The following SLC8A1 variants were observed in gnomAD, a reference collection of about 807,000 sequenced individuals.
The protein encoded by SLC8A1 is sodium/calcium exchanger 1.
In SLC8A1, 18 loss-of-function variants were observed where a neutral mutation model predicts 68.3. The ratio of observed to expected loss-of-function variants is 0.26; its 90% CI spans 0.18 to 0.39. The LOEUF is 0.39. Among genes scored for constraint, SLC8A1 ranks in the 10% least tolerant of loss-of-function variants. The probability of loss-of-function intolerance (pLI) is 1.00; values close to 1 mark genes in which losing one functional copy is unlikely to be tolerated. For synonymous variants in SLC8A1, 475 were observed against 415.5 expected, an observed-to-expected ratio of 1.14 and a Z score of -1.74; for missense variants, 985 against 1,156.7, an observed-to-expected ratio of 0.85 and a Z score of 2.15.
chr2:40,441,613 C>T (rs564948741), intron 1 of SLC8A1, among the ~76,000 whole-genome samples: 1 of 152,168 alleles, frequency 6.6e-6, no homozygotes, highest in South Asian at 2.1e-4. Context: ...AATAACACTA[C>T]ACATCTACAA....
At chr2:40,292,051 GTCTT>G (rs2069430302) in intron 2 of SLC8A1, among the ~76,000 whole-genome samples, 1 of 151,714 alleles carries the variant, frequency 6.6e-6, no homozygotes, top group South Asian at 2.1e-4. Flanking sequence ...TTTATTTCTA[GTCTT>G]TACAAGTACA....
intron 2 of SLC8A1, among the ~76,000 whole-genome samples, chr2:40,362,273 GGAAAAA>G (rs1674851671): frequency 6.6e-6 from 1 of 150,662 alleles, no homozygotes; most frequent in African/African-American, 2.4e-5. Context: ...ACTGGAAAAT[GGAAAAA>G]GAAAAAAAGA....
chr2:40,403,081 A>C (rs1376405103), intron 2 of SLC8A1, among the ~76,000 whole-genome samples: 1 of 152,222 alleles, frequency 6.6e-6, no homozygotes, highest in African/African-American at 2.4e-5. Context: ...CAATACACAT[A>C]ACGAACACCA....
At chr2:40,500,106 A>C (rs554920512) in intron 1 of SLC8A1, among the ~76,000 whole-genome samples, 1 of 152,100 alleles carries the variant, frequency 6.6e-6, no homozygotes, top group South Asian at 2.1e-4. Context: ...AATATATACC[A>C]TCTTTATTGG....
chr2:40,115,719 C>G, intron 7 of SLC8A1, 90 bp from the exon 11 acceptor site: 1 of 1,488,342 alleles, frequency 6.7e-7, no homozygotes, highest in Non-Finnish European at 9.0e-7. Context: ...CTCTAGGACC[C>G]AACCCTTAAT....
At chr2:40,346,047 T>TA (rs774555210) in intron 2 of SLC8A1, among the ~76,000 whole-genome samples, 4,198 of 41,814 alleles carry the variant, frequency 0.1, 239 homozygotes, top group African/African-American at 0.12. Flanking sequence ...ACATTAACAG[T>TA]AAAAAAAAAA....
chr2:40,486,137 C>T (rs1704954278), intron 1 of SLC8A1, among the ~76,000 whole-genome samples: 1 of 152,140 alleles, frequency 6.6e-6, no homozygotes, highest in African/African-American at 2.4e-5. Flanking sequence ...CCCCTTTGCT[C>T]AGCAGTTCTC....
At chr2:40,497,007 T>A (rs1193156517) in intron 1 of SLC8A1, among the ~76,000 whole-genome samples, 1 of 151,498 alleles carries the variant, frequency 6.6e-6, no homozygotes, top group Non-Finnish European at 1.5e-5. Flanking sequence ...CGCACCAGCA[T>A]GGCACATGTA....
At chr2:40,474,580 G>A (rs894959020) in intron 1 of SLC8A1, among the ~76,000 whole-genome samples, 1 of 152,156 alleles carries the variant, frequency 6.6e-6, no homozygotes, top group African/African-American at 2.4e-5. Flanking sequence ...GGTAACAGTA[G>A]CTAACAATAC....
intron 1 of SLC8A1, among the ~76,000 whole-genome samples, chr2:40,481,901 T>C (rs116755319): frequency 8.7e-4 from 133 of 152,290 alleles, no homozygotes; most frequent in Middle Eastern, 3.4e-3. Context: ...GTCAGGATTA[T>C]ATAGATCAAA....
intron 2 of SLC8A1, among the ~76,000 whole-genome samples, chr2:40,305,396 G>C (rs72939241): frequency 0.017 from 2,641 of 152,278 alleles, 84 homozygotes; most frequent in African/African-American, 0.06. Context: ...GGTATCAATA[G>C]CATCTTCCCA....
At chr2:40,456,045 G>A (rs922946190), upstream of SLC8A1, among the ~76,000 whole-genome samples, 4 of 152,114 alleles carry the variant, frequency 2.6e-5, no homozygotes, top group Admixed American at 6.5e-5. Context: ...GGCTGGGCGC[G>A]GTGGCTCACG....
intron 5 of SLC8A1, among the ~76,000 whole-genome samples, chr2:40,162,021 G>T (rs2045777105): frequency 1.3e-5 from 2 of 152,198 alleles, no homozygotes; most frequent in South Asian, 4.1e-4. Context: ...GTTTGCTCAA[G>T]AAGAGTCATT....
upstream of SLC8A1, chr2:40,453,526 G>T (rs1374690675): frequency 1.3e-5 from 2 of 152,178 alleles, no homozygotes; most frequent in African/African-American, 4.8e-5. Flanking sequence ...CTGTGCCAGT[G>T]GCTCTCAACC....
chr2:40,174,998 T>C (rs2048218582), intron 3 of SLC8A1, among the ~76,000 whole-genome samples, 156 bp from the exon 5 acceptor site: 1 of 152,146 alleles, frequency 6.6e-6, no homozygotes, highest in Non-Finnish European at 1.5e-5. Context: ...GAATCACTAA[T>C]CGTTCTTTTA....
intron 1 of SLC8A1, among the ~76,000 whole-genome samples, chr2:40,450,720 T>TAG (rs1702283698): frequency 1.3e-5 from 2 of 152,202 alleles, no homozygotes; most frequent in Non-Finnish European, 2.9e-5. Context: ...TCACAACCAC[T>TAG]AGTAGCTGAC....
intron 2 of SLC8A1, among the ~76,000 whole-genome samples, chr2:40,403,495 TG>T (rs1689378693): frequency 6.6e-6 from 1 of 152,136 alleles, no homozygotes; most frequent in Non-Finnish European, 1.5e-5. Context: ...CTGACCACAA[TG>T]GGAGAGCTTA....
At chr2:40,247,241 C>T (rs192250399) in intron 2 of SLC8A1, among the ~76,000 whole-genome samples, 42 of 152,292 alleles carry the variant, frequency 2.8e-4, no homozygotes, top group Admixed American at 2.0e-3. Context: ...CGATCACTAT[C>T]CCCAGAGAGC....
intron 2 of SLC8A1, among the ~76,000 whole-genome samples, chr2:40,395,769 T>C (rs1282842303): frequency 6.6e-6 from 1 of 151,908 alleles, no homozygotes; most frequent in Non-Finnish European, 1.5e-5. Flanking sequence ...GGATATAGAG[T>C]CAGAGCTGTT....
Sources: gnomAD v4.1 joint callset for allele counts (sites outside exome capture counted in the v4.1 genomes callset) on GRCh38, gnomAD v4.1.1 for gene constraint, MANE v1.5 for transcripts, NCBI Gene and HGNC (gene_info 2026-07-23, HGNC 2026-07-21) for gene names.